NAV3: variants seen among roughly 807,000 people sequenced by gnomAD.
NAV3 encodes the protein neuron navigator 3, also known as pore membrane and/or filament interacting like protein 1.
In NAV3, 87 loss-of-function variants were observed where a neutral mutation model predicts 244.7. That is an observed-to-expected ratio of 0.36 (90% CI 0.30 to 0.42). The LOEUF is 0.42. NAV3 is among the 20% of genes least tolerant of loss of function. The pLI, the probability that NAV3 is intolerant of heterozygous loss-of-function variation, is 1.00. For missense variants in NAV3, 2,663 were observed against 2,893.3 expected, an observed-to-expected ratio of 0.92 and a Z score of 1.83; for synonymous variants, 1,126 against 1,042.2, an observed-to-expected ratio of 1.08 and a Z score of -1.55.
chr12:77,954,628 T>G (rs1194220987), intron 3 of NAV3, among the ~76,000 whole-genome samples: 1 of 152,178 alleles, frequency 6.6e-6, no homozygotes, highest in Non-Finnish European at 1.5e-5. Flanking sequence ...CTGTGCTTGG[T>G]TGTTGAGTGG....
chr12:77,594,968 T>C (rs1372505901), intron 2 of NAV3, among the ~76,000 whole-genome samples: 1 of 152,104 alleles, frequency 6.6e-6, no homozygotes, highest in Non-Finnish European at 1.5e-5. Context: ...CGCATATAAA[T>C]TAGTGGCCAT....
chr12:77,997,745 G>A (rs1480845421), intron 6 of NAV3, among the ~76,000 whole-genome samples: 2 of 152,132 alleles, frequency 1.3e-5, no homozygotes, highest in African/African-American at 4.8e-5. Context: ...GGTTTTTTGT[G>A]GGGCAGACCA....
chr12:77,691,281 A>G (rs1197386084), intron 2 of NAV3, among the ~76,000 whole-genome samples: 1 of 143,742 alleles, frequency 7.0e-6, no homozygotes, highest in Non-Finnish European at 1.5e-5. Flanking sequence ...GAATTAATCT[A>G]GAAAAGTTGT....
At chr12:77,645,382 A>G (rs1872567476) in intron 2 of NAV3, among the ~76,000 whole-genome samples, 1 of 151,802 alleles carries the variant, frequency 6.6e-6, no homozygotes, top group African/African-American at 2.4e-5. Context: ...CTGCTTAGTT[A>G]ATTCCCTGGA....
intron 12 of NAV3, among the ~76,000 whole-genome samples, chr12:78,090,451 G>A (rs905831818): frequency 1.3e-5 from 2 of 151,936 alleles, no homozygotes; most frequent in African/African-American, 4.8e-5. Context: ...CATATTGCCT[G>A]AAGATGCCTG....
chr12:77,915,355 G>A (rs1260522408), intron 1 of NAV3, among the ~76,000 whole-genome samples: 2 of 151,878 alleles, frequency 1.3e-5, no homozygotes, highest in Admixed American at 1.3e-4. Context: ...ATTCTTCCTG[G>A]CATTGCAAAG....
At chr12:77,932,073 T>A (rs1888865024) in intron 1 of NAV3, among the ~76,000 whole-genome samples, 1 of 152,094 alleles carries the variant, frequency 6.6e-6, no homozygotes, top group Non-Finnish European at 1.5e-5. Context: ...ACAGATTTTT[T>A]AAATCTGACT....
At chr12:77,614,564 A>T (rs1359383499) in intron 2 of NAV3, among the ~76,000 whole-genome samples, 1 of 152,170 alleles carries the variant, frequency 6.6e-6, no homozygotes, top group Non-Finnish European at 1.5e-5. Context: ...GCACTGTCCT[A>T]TGCAATCAGT....
chr12:77,628,915 AAAG>A (rs1464304077), intron 2 of NAV3, among the ~76,000 whole-genome samples: 2 of 152,028 alleles, frequency 1.3e-5, no homozygotes, highest in Non-Finnish European at 2.9e-5. Context: ...AAAAAAAAAA[AAAG>A]AATCCAAAAT....
At chr12:78,123,773 T>G (rs1955785011) in intron 16 of NAV3, among the ~76,000 whole-genome samples, 1 of 152,190 alleles carries the variant, frequency 6.6e-6, no homozygotes, top group Admixed American at 6.5e-5. Context: ...AATGTAACCA[T>G]TTCCCTATGG....
At chr12:77,654,349 T>C (rs980795759) in intron 2 of NAV3, among the ~76,000 whole-genome samples, 2 of 152,206 alleles carry the variant, frequency 1.3e-5, no homozygotes, top group African/African-American at 2.4e-5. Context: ...GTCTCGCTGA[T>C]TGCTAGTACA....
At chr12:78,173,926 T>C (rs1366755855) in intron 24 of NAV3, among the ~76,000 whole-genome samples, 1 of 151,724 alleles carries the variant, frequency 6.6e-6, no homozygotes, top group Admixed American at 6.6e-5. Context: ...CATACTCATT[T>C]ATTATACGTT....
intron 2 of NAV3, among the ~76,000 whole-genome samples, chr12:77,665,125 G>A (rs1170866988): frequency 6.6e-6 from 1 of 152,208 alleles, no homozygotes; most frequent in African/African-American, 2.4e-5. Flanking sequence ...CACTTTTGGA[G>A]TGGGGATACT....
intron 18 of NAV3, among the ~76,000 whole-genome samples, chr12:78,136,069 T>C (rs1247357172): frequency 6.6e-6 from 1 of 152,174 alleles, no homozygotes; most frequent in Non-Finnish European, 1.5e-5. Context: ...GGTTTACTTT[T>C]CCTGTTTTAC....
chr12:77,922,386 G>A (rs1390111888), intron 1 of NAV3, among the ~76,000 whole-genome samples: 2 of 151,976 alleles, frequency 1.3e-5, no homozygotes, highest in African/African-American at 2.4e-5. Context: ...TGAATGTTTT[G>A]GTTTTTGACT....
intron 12 of NAV3, among the ~76,000 whole-genome samples, chr12:78,079,448 C>G (rs1489220525): frequency 6.6e-6 from 1 of 152,032 alleles, no homozygotes; most frequent in Non-Finnish European, 1.5e-5. Flanking sequence ...TTTTTATCAG[C>G]AAAAAGGCTG....
rs1000391504 is a variant in NAV3, at chr12:77,612,227, C to T, written c.72+39961C>T. 5.9e-5 allele frequency among the ~76,000 whole-genome samples: 9 copies of T among 152,030 alleles called. 1 individual carries two copies. In the East Asian group the frequency reaches 1.7e-3, roughly 29 times the overall value. ...GTACTATGTGACTTGCATGGAAATA[C>T]AGCTATTATTTGACCCTACTTGTGG... On this transcript the variant is annotated intron_variant, in intron 2 of 8. Coordinates refer to the NAV3 transcript ENST00000550042.
intron 2 of NAV3, among the ~76,000 whole-genome samples, chr12:77,653,230 A>G (rs947180727): frequency 2.0e-5 from 3 of 152,208 alleles, no homozygotes; most frequent in Non-Finnish European, 4.4e-5. Context: ...TTGGCTGTTC[A>G]AGAGCAGAAC....
chr12:78,023,131 C>G (rs974710349), intron 9 of NAV3, among the ~76,000 whole-genome samples: 3 of 152,120 alleles, frequency 2.0e-5, no homozygotes, highest in African/African-American at 7.2e-5. Flanking sequence ...TATATTTATA[C>G]ATAAATGTCC....
Sources: allele counts gnomAD v4.1 joint callset (sites outside exome capture counted in the v4.1 genomes callset), GRCh38; gene constraint gnomAD v4.1.1; transcripts MANE v1.5; gene names NCBI Gene and HGNC (gene_info 2026-07-23, HGNC 2026-07-21).